Variants in ERC2 observed in about 807,000 individuals in gnomAD.
ERC2 encodes the protein ERC protein 2.
Under a neutral mutation model 114.8 loss-of-function variants are expected in ERC2, and 42 were observed. The observed-to-expected ratio is 0.37, with a 90% CI of 0.29 to 0.47. The LOEUF is 0.47. Ranked by LOEUF, ERC2 falls within the 20% of genes least tolerant of loss-of-function variation. The pLI is 0.99. For synonymous variants in ERC2, 454 were observed against 425.5 expected, an observed-to-expected ratio of 1.07 and a Z score of -0.82; for missense variants, 939 against 1,150.7, an observed-to-expected ratio of 0.82 and a Z score of 2.66.
chr3:55,629,176 C>T (rs540490047), intron 17 of ERC2, among the ~76,000 whole-genome samples: 1 of 152,112 alleles, frequency 6.6e-6, no homozygotes, highest in Non-Finnish European at 1.5e-5. Context: ...CTGGGCCTCG[C>T]GGCTCACTTG....
In ERC2 at chr3:55,699,453, G is replaced by A. The variant is rs1483211768; in HGVS notation, c.2772C>T (p.His924=). Reference sequence around the variant, plus strand: ...GATGGTGGTGGTGATGGTGGTGGTGGTGGTAATGGTGATGGTCATCATCAT... The same window carrying A: ...GATGGTGGTGGTGATGGTGGTGGTGATGGTAATGGTGATGGTCATCATCAT... ...DNYDDDHHHY[H]HHHHHHHHRS... Residue 924 remains histidine (H), a synonymous_variant, in exon 16 of 18, where the codon CAC becomes CAT. Transcript: ENST00000288221. 1.3e-5 allele frequency: 21 copies of A among 1,613,754 alleles called. No homozygotes were observed. In the South Asian group the frequency reaches 2.3e-4, roughly 18 times the overall value.
chr3:56,229,512 G>T (rs912612500), intron 3 of ERC2, among the ~76,000 whole-genome samples: 7 of 152,204 alleles, frequency 4.6e-5, no homozygotes, highest in Non-Finnish European at 8.8e-5. Flanking sequence ...AAGAGCTAAG[G>T]GTTCTTAGAT....
chr3:55,546,126 G>T (rs1193418504), intron 17 of ERC2, among the ~76,000 whole-genome samples: 1 of 152,162 alleles, frequency 6.6e-6, no homozygotes. Context: ...CAGACATCTG[G>T]CTCTGTGGTT....
intron 14 of ERC2, among the ~76,000 whole-genome samples, chr3:55,869,549 A>T (rs1006123356): frequency 1.3e-5 from 2 of 152,006 alleles, no homozygotes; most frequent in Non-Finnish European, 2.9e-5. Context: ...AAATTCTTCC[A>T]CCACACAGGT....
At chr3:56,400,056 T>C (rs900450617) in intron 2 of ERC2, among the ~76,000 whole-genome samples, 1 of 152,060 alleles carries the variant, frequency 6.6e-6, no homozygotes, top group Non-Finnish European at 1.5e-5. Flanking sequence ...ATGAGACAAC[T>C]GGAAATTGAA....
chr3:55,949,595 C>G (rs1469918442), intron 13 of ERC2, among the ~76,000 whole-genome samples: 1 of 152,160 alleles, frequency 6.6e-6, no homozygotes, highest in Non-Finnish European at 1.5e-5. Context: ...TTACTGATTT[C>G]TCTTTTGGCC....
chr3:56,212,152 A>G (rs1463149382), intron 3 of ERC2, among the ~76,000 whole-genome samples: 1 of 152,058 alleles, frequency 6.6e-6, no homozygotes, highest in Non-Finnish European at 1.5e-5. Flanking sequence ...AAAACAGAGA[A>G]CAGAATAAAC....
At chr3:56,145,649 G>A (rs2149937350) in intron 5 of ERC2, among the ~76,000 whole-genome samples, 1 of 152,284 alleles carries the variant, frequency 6.6e-6, no homozygotes, top group Middle Eastern at 3.4e-3. Flanking sequence ...CTTGCAAGAT[G>A]CCAGGATTTC....
chr3:55,884,033 T>C (rs935067272), intron 14 of ERC2, among the ~76,000 whole-genome samples: 1 of 152,190 alleles, frequency 6.6e-6, no homozygotes, highest in African/African-American at 2.4e-5. Flanking sequence ...TCATGTGATG[T>C]TGTACTTTAG....
intron 7 of ERC2, among the ~76,000 whole-genome samples, chr3:56,028,245 T>C (rs947255697): frequency 2.6e-5 from 4 of 152,150 alleles, no homozygotes; most frequent in African/African-American, 9.6e-5. Flanking sequence ...TCTTTTAACC[T>C]TATTCTTTTT....
Position 55,508,968 on chromosome 3 carries a change from G to A in ERC2, c.*2348C>T, listed in dbSNP as rs1276485798. The A allele has an allele frequency of 6.6e-6, 1 of 152,556 alleles. No individual in the cohort carries two copies. The highest frequency in any genetic ancestry group is 2.4e-5 in the African/African-American group (1 of 41,412). 9.5% of individuals were successfully genotyped at this position (152,556 alleles called of 1,614,324 possible). A position where few individuals can be genotyped will look rare whatever the true frequency, so the allele number is the denominator to read the frequency against. On this transcript the variant is annotated 3_prime_UTR_variant, in exon 18 of 18. Transcript: ENST00000288221. Reference sequence around the variant, plus strand: ...GGAAATAGCTTCCCAACATCACAGTGTTTGTTGTAAACCCAGAGACTATTC... The same window carrying A: ...GGAAATAGCTTCCCAACATCACAGTATTTGTTGTAAACCCAGAGACTATTC...
chr3:55,689,734 G>C (rs1185284018), intron 16 of ERC2, among the ~76,000 whole-genome samples: 2 of 151,386 alleles, frequency 1.3e-5, no homozygotes, highest in African/African-American at 4.9e-5. Context: ...TGGAGGTTGC[G>C]GTGAGCCGAG....
At chr3:56,159,040 T>C (rs929878465) in intron 4 of ERC2, among the ~76,000 whole-genome samples, 34 of 152,096 alleles carry the variant, frequency 2.2e-4, no homozygotes, top group African/African-American at 8.2e-4. Context: ...GTCCTCACAA[T>C]AGTGAGTGAA....
intron 3 of ERC2, among the ~76,000 whole-genome samples, chr3:56,206,909 A>G (rs1467796239): frequency 1.3e-5 from 2 of 152,248 alleles, no homozygotes; most frequent in Non-Finnish European, 2.9e-5. Flanking sequence ...GATGCAACAG[A>G]GCTACCTACA....
intron 17 of ERC2, among the ~76,000 whole-genome samples, chr3:55,681,788 G>C (rs371843268): frequency 6.6e-6 from 1 of 152,208 alleles, no homozygotes; most frequent in African/African-American, 2.4e-5. Context: ...TAATACAATC[G>C]TCTGCATTTG....
chr3:56,174,096 T>G (rs185971625), intron 3 of ERC2, among the ~76,000 whole-genome samples: 2 of 152,336 alleles, frequency 1.3e-5, no homozygotes, highest in Admixed American at 1.3e-4. Flanking sequence ...TATATTTATG[T>G]ATCATGATGC....
At chr3:56,003,237 G>A (rs1209749090) in intron 10 of ERC2, 5 of 753,088 alleles carry the variant, frequency 6.6e-6, no homozygotes, top group Non-Finnish European at 9.1e-6. Flanking sequence ...TCGCACAGAC[G>A]AGTTGGTTGT....
In ERC2 at chr3:55,888,386, C is replaced by G; in HGVS notation, c.2564+3G>C. ...GGCTACCAAAGCAGCAATGGGTACT[C>G]ACTTCATCTCCAGGATCTCCTCCAG... On this transcript the variant is annotated splice_donor_region_variant and intron_variant, in intron 14 of 17. Coordinates refer to ENST00000288221, the MANE Select transcript of ERC2 (RefSeq NM_015576.3). 1 of 1,613,750 alleles carries G rather than the reference C, an allele frequency of 6.2e-7. No homozygotes were observed. The highest frequency in any genetic ancestry group is 8.5e-7 in the Non-Finnish European group (1 of 1,179,768).
At chr3:56,042,888 C>G (rs962460288) in intron 7 of ERC2, among the ~76,000 whole-genome samples, 3 of 152,028 alleles carry the variant, frequency 2.0e-5, no homozygotes, top group African/African-American at 7.2e-5. Context: ...AATGAACAGG[C>G]AGCAAATTTA....
Sources: gnomAD v4.1 joint callset for allele counts (sites outside exome capture counted in the v4.1 genomes callset) on GRCh38, gnomAD v4.1.1 for gene constraint, MANE v1.5 for transcripts, NCBI Gene and HGNC (gene_info 2026-07-23, HGNC 2026-07-21) for gene names.